Variants in ROBO1 observed in about 807,000 individuals in gnomAD.
The protein encoded by ROBO1 is roundabout guidance receptor 1, also known as roundabout homolog 1.
ROBO1 carries 149 observed loss-of-function variants against 195.9 expected under a neutral mutation model. The observed-to-expected ratio is 0.76, with a 90% CI of 0.67 to 0.87. The LOEUF (loss-of-function observed/expected upper bound fraction) is 0.87. ROBO1 is among the 40% of genes least tolerant of loss of function. The probability of loss-of-function intolerance (pLI) is 0.00; values close to 1 mark genes in which losing one functional copy is unlikely to be tolerated. For synonymous variants in ROBO1, 816 were observed against 733.2 expected (o/e 1.11, Z -1.82); for missense variants, 1,933 against 2,068.3 (o/e 0.93, Z 1.27).
intron 5 of ROBO1, among the ~76,000 whole-genome samples, chr3:78,740,985 C>T (rs1424683762): frequency 6.6e-6 from 1 of 152,028 alleles, no homozygotes; most frequent in Admixed American, 6.6e-5. Context: ...CATATAAATA[C>T]ACAAAAGTAT....
In ROBO1 at chr3:79,178,922, C is replaced by T. The variant is rs574874876; in HGVS notation, c.89-53383G>A. Among the ~76,000 whole-genome samples, 185 of 152,306 alleles carry T rather than the reference C, an allele frequency of 1.2e-3. 1 individual carries two copies. The highest frequency in any genetic ancestry group is 2.7e-3 in the South Asian group (13 of 4,822). ...TCTTTTAAAAACTGATTAAAACCTA[C>T]TCAGTTTGTAACAGAAAGAAGCTTA... On this transcript the variant is annotated intron_variant, in intron 2 of 30. Transcript: ENST00000464233.
chr3:79,189,310 T>C (rs1286993059), intron 2 of ROBO1, among the ~76,000 whole-genome samples: 2 of 151,750 alleles, frequency 1.3e-5, no homozygotes, highest in Non-Finnish European at 2.9e-5. Context: ...CATAAAATAA[T>C]TTAGAATAGA....
At chr3:78,723,367 T>C (rs541291060) in intron 5 of ROBO1, among the ~76,000 whole-genome samples, 1 of 152,240 alleles carries the variant, frequency 6.6e-6, no homozygotes, top group South Asian at 2.1e-4. Context: ...GTAAACTCTA[T>C]CATGGTCGCA....
At chr3:78,972,728 G>A (rs143000504) in intron 3 of ROBO1, among the ~76,000 whole-genome samples, 40 of 152,178 alleles carry the variant, frequency 2.6e-4, no homozygotes, top group African/African-American at 8.7e-4. Context: ...AAAGTCCTTG[G>A]CCTGTACACC....
chr3:78,873,326 T>C (rs1055309016), intron 4 of ROBO1, among the ~76,000 whole-genome samples: 2 of 152,152 alleles, frequency 1.3e-5, no homozygotes, highest in African/African-American at 4.8e-5. Context: ...ATATCCAATT[T>C]TGTCCTATCT....
chr3:78,711,440 T>TTTCTTTCTTTCTTTCC lies in ROBO1; in HGVS notation c.1045+2956_1045+2957insGGAAAGAAAGAAAGAA, dbSNP rs770070756. Among the ~76,000 whole-genome samples the TTTCTTTCTTTCTTTCC allele has an allele frequency of 4.3e-4, 18 of 41,628 alleles. 1 individual carries two copies. The highest frequency in any genetic ancestry group is 1.3e-3 in the African/African-American group (16 of 12,592). The allele number at this position is 41,628 out of a possible 152,430, so 27.3% of individuals were successfully genotyped here. On this transcript the variant is annotated intron_variant, in intron 8 of 30. Coordinates refer to ENST00000464233, the MANE Select transcript of ROBO1 (RefSeq NM_002941.4). ...CTTTCTTTCTTTCTTTCTTTCTTTC[T>TTTCTTTCTTTCTTTCC]TTCCTTCCTTCCTTCCTTCCTTCCT...
chr3:79,255,692 G>A (rs74415865), intron 2 of ROBO1, among the ~76,000 whole-genome samples: 14,328 of 152,086 alleles, frequency 0.094, 1,327 homozygotes, highest in African/African-American at 0.24. Context: ...AATATTTTGT[G>A]GTGGTAATAT....
chr3:78,676,372 T>C (rs927347432), intron 10 of ROBO1, among the ~76,000 whole-genome samples: 2 of 151,792 alleles, frequency 1.3e-5, no homozygotes, highest in Non-Finnish European at 2.9e-5. Flanking sequence ...ACGATCAAAC[T>C]ACTCCGAGCT....
intron 3 of ROBO1, among the ~76,000 whole-genome samples, chr3:79,056,034 G>A (rs192143506): frequency 6.0e-4 from 91 of 152,228 alleles, no homozygotes; most frequent in Non-Finnish European, 2.6e-4. Flanking sequence ...CATTAATGCA[G>A]TAATTAAACC....
At chr3:79,443,367 G>T (rs547714979) in intron 2 of ROBO1, among the ~76,000 whole-genome samples, 4 of 152,206 alleles carry the variant, frequency 2.6e-5, no homozygotes, top group African/African-American at 9.6e-5. Flanking sequence ...TTGTTTATTG[G>T]TGAATTAACT....
At chr3:79,083,240 A>T (rs909202975) in intron 3 of ROBO1, among the ~76,000 whole-genome samples, 1 of 152,146 alleles carries the variant, frequency 6.6e-6, no homozygotes, top group African/African-American at 2.4e-5. Context: ...ACCAGGAAAG[A>T]GTTGATAATG....
rs78798401 is a variant in ROBO1 at position 79,730,145 on chromosome 3, G to C, written c.-51+37607C>G. Among the ~76,000 whole-genome samples the C allele has an allele frequency of 9.1e-4, 138 of 152,216 alleles. 1 individual carries two copies. In the East Asian group the frequency reaches 0.021, roughly 23 times the overall value. On this transcript the variant is annotated intron_variant, in intron 1 of 30. Transcript: ENST00000464233. ...ATCTTTCCCTAACAATCATGGTTTAGAGAAATCTTCCCTACATTATCCTAT... is the reference window on the plus strand; with the variant it reads ...ATCTTTCCCTAACAATCATGGTTTACAGAAATCTTCCCTACATTATCCTAT...
Position 79,390,197 on chromosome 3 carries a change from G to A in ROBO1, c.88+199627C>T, listed in dbSNP as rs565332138. Among the ~76,000 whole-genome samples, 8 of 152,076 alleles carry A rather than the reference G, an allele frequency of 5.3e-5. No homozygotes were observed. In the East Asian group the frequency reaches 7.8e-4, roughly 15 times the overall value. On this transcript the variant is annotated intron_variant, in intron 2 of 30. Transcript: ENST00000464233. Reference sequence around the variant, plus strand: ...GAGGACCAGACTGAGAAGGAGCAGTGGGAAAATAAAATATTTTATACGGTC... The same window carrying A: ...GAGGACCAGACTGAGAAGGAGCAGTAGGAAAATAAAATATTTTATACGGTC...
At chr3:79,742,397 C>A (rs1703685177) in intron 1 of ROBO1, among the ~76,000 whole-genome samples, 1 of 152,254 alleles carries the variant, frequency 6.6e-6, no homozygotes, top group Non-Finnish European at 1.5e-5. Flanking sequence ...CTAAAAGGGC[C>A]AGATATGTTT....
intron 2 of ROBO1, among the ~76,000 whole-genome samples, chr3:79,510,175 C>T (rs541342207): frequency 2.6e-5 from 4 of 152,128 alleles, no homozygotes; most frequent in Non-Finnish European, 5.9e-5. Flanking sequence ...TTGTAGTTAC[C>T]ATAATCCCCA....
intron 2 of ROBO1, among the ~76,000 whole-genome samples, chr3:79,259,731 C>A (rs1021449855): frequency 2.0e-5 from 3 of 152,084 alleles, no homozygotes; most frequent in African/African-American, 7.2e-5. Flanking sequence ...AAGAAAAAAT[C>A]TAATAATTCC....
chr3:79,334,309 A>ATAT (rs1423681193), intron 2 of ROBO1, among the ~76,000 whole-genome samples: 67 of 123,022 alleles, frequency 5.4e-4, no homozygotes, highest in African/African-American at 1.9e-3. Context: ...CTAAAAAAAA[A>ATAT]AAATATATAT....
chr3:79,122,805 G>A (rs1161696709), intron 3 of ROBO1, among the ~76,000 whole-genome samples: 1 of 151,618 alleles, frequency 6.6e-6, no homozygotes, highest in African/African-American at 2.4e-5. Flanking sequence ...TCTTCTTTTG[G>A]GATTATTTCA....
intron 2 of ROBO1, among the ~76,000 whole-genome samples, chr3:79,143,965 C>CT (rs1270201049): frequency 0.01 from 1,566 of 149,628 alleles, 25 homozygotes; most frequent in African/African-American, 0.034. Flanking sequence ...TTGAGAATGA[C>CT]TTTTTTTTTT....
Sources: gnomAD v4.1 joint callset for allele counts (sites outside exome capture counted in the v4.1 genomes callset) on GRCh38, gnomAD v4.1.1 for gene constraint, MANE v1.5 for transcripts, NCBI Gene and HGNC (gene_info 2026-07-23, HGNC 2026-07-21) for gene names.